DCHS2: variants seen among roughly 807,000 people sequenced by gnomAD.
DCHS2 encodes the protein dachsous cadherin-related 2.
Under a neutral mutation model 182.4 loss-of-function variants are expected in DCHS2, and 142 were observed. That is an observed-to-expected ratio of 0.78 (90% CI 0.68 to 0.89). The LOEUF is 0.89. Ranked by LOEUF, DCHS2 falls within the 40% of genes least tolerant of loss-of-function variation. The pLI is 0.00. For synonymous variants in DCHS2, 1,740 were observed against 1,663.3 expected, an observed-to-expected ratio of 1.05 and a Z score of -1.12; for missense variants, 4,319 against 4,198.6, an observed-to-expected ratio of 1.03 and a Z score of -0.79.
rs1013417598 is a variant in DCHS2 at position 154,266,395 on chromosome 4, G to A, written c.6577+3505C>T. ...TGGAAATCATTGTAATAAAAGCTTC[G>A]CCTGTAATCCCAGAACTTTGGGAGG... On this transcript the variant is annotated intron_variant, in intron 14 of 19. Transcript: ENST00000357232. Among the ~76,000 whole-genome samples, 11 of 152,114 alleles carry A rather than the reference G, an allele frequency of 7.2e-5. No homozygotes were observed. The East Asian group carries it at 9.7e-4, about 13-fold the overall frequency.
intron 1 of DCHS2, among the ~76,000 whole-genome samples, chr4:154,398,358 C>T (rs544485143): frequency 4.6e-5 from 7 of 152,176 alleles, no homozygotes; most frequent in Middle Eastern, 3.2e-3. Flanking sequence ...AGTGAAATAA[C>T]GTGCAGAAAG....
intron 13 of DCHS2, among the ~76,000 whole-genome samples, chr4:154,277,820 C>T (rs1733922953): frequency 6.6e-6 from 1 of 152,066 alleles, no homozygotes; most frequent in African/African-American, 2.4e-5. Flanking sequence ...GCAGGTGGAT[C>T]ACCTGAGGTC....
At chr4:154,307,214 A>T (rs1328336008) in intron 10 of DCHS2, among the ~76,000 whole-genome samples, 2 of 152,204 alleles carry the variant, frequency 1.3e-5, no homozygotes, top group African/African-American at 4.8e-5. Context: ...CAAACATAGC[A>T]TCATCAAACT....
In DCHS2 at chr4:154,243,253, C is replaced by T. The variant is rs779780596; in HGVS notation, c.6942-481G>A. On this transcript the variant is annotated intron_variant, in intron 16 of 19. Coordinates refer to ENST00000357232, the MANE Select transcript of DCHS2 (RefSeq NM_001358235.2). ...TTTTGGATCCAAATAGCAAATCAAT[C>T]GAAATGCTAGAAATAAGACAGGACA... Among the ~76,000 whole-genome samples the T allele has an allele frequency of 1.1e-4, 16 of 152,158 alleles. No individual in the cohort carries two copies. The East Asian group carries it at 2.1e-3, about 20-fold the overall frequency.
chr4:154,309,267 A>T (rs1735580434), intron 10 of DCHS2, among the ~76,000 whole-genome samples: 1 of 152,098 alleles, frequency 6.6e-6, no homozygotes. Flanking sequence ...GGGTCTGGGG[A>T]TCTGCAAACT....
At chr4:154,311,367 G>A (rs1735664269) in intron 10 of DCHS2, among the ~76,000 whole-genome samples, 1 of 151,974 alleles carries the variant, frequency 6.6e-6, no homozygotes, top group Admixed American at 6.6e-5. Flanking sequence ...GAGTAGCTGA[G>A]ACTACAGGAG....
chr4:154,424,793 T>C (rs973306449), intron 1 of DCHS2, among the ~76,000 whole-genome samples: 2 of 152,162 alleles, frequency 1.3e-5, no homozygotes, highest in African/African-American at 2.4e-5. Context: ...ATTCAAGCCC[T>C]CCTATTTAAG....
Position 154,370,496 on chromosome 4 carries a change from A to C in DCHS2, c.2245-4055T>G, listed in dbSNP as rs534408860. 2.6e-5 allele frequency among the ~76,000 whole-genome samples: 4 copies of C among 152,296 alleles called. No homozygotes were observed. In the East Asian group the frequency reaches 7.7e-4, roughly 29 times the overall value. ...GATAGAGACTATTATTATGCCCTGTATGCTTATGAGGGTCATCCAAAAGAG... is the reference window on the plus strand; with the variant it reads ...GATAGAGACTATTATTATGCCCTGTCTGCTTATGAGGGTCATCCAAAAGAG... On this transcript the variant is annotated intron_variant, in intron 2 of 19. Coordinates refer to ENST00000357232, the MANE Select transcript of DCHS2 (RefSeq NM_001358235.2).
intron 1 of DCHS2, among the ~76,000 whole-genome samples, chr4:154,419,216 G>C (rs1184387248): frequency 6.6e-6 from 1 of 152,148 alleles, no homozygotes; most frequent in Non-Finnish European, 1.5e-5. Context: ...AGTATATAAA[G>C]TCAGCACAAA....
At chr4:154,291,456 A>C (rs1489570691) in intron 13 of DCHS2, among the ~76,000 whole-genome samples, 1 of 152,190 alleles carries the variant, frequency 6.6e-6, no homozygotes, top group Non-Finnish European at 1.5e-5. Flanking sequence ...TATATACTTA[A>C]AAGAGAGAAA....
chr4:154,355,512 A>T (rs971474152), intron 3 of DCHS2: 6 of 152,274 alleles, frequency 3.9e-5, no homozygotes, highest in African/African-American at 1.4e-4. Flanking sequence ...CCAACCAGCC[A>T]CCCTCAGGGC....
intron 13 of DCHS2, among the ~76,000 whole-genome samples, chr4:154,295,419 T>G (rs1327978330): frequency 6.6e-6 from 1 of 152,212 alleles, no homozygotes; most frequent in African/African-American, 2.4e-5. Flanking sequence ...CCCTCTTTCA[T>G]TATCATAGGA....
chr4:154,455,981 T>C lies in DCHS2; in HGVS notation c.2052+33323A>G, dbSNP rs139265380. ...GGCACATGCCTGTAATCCCAGCTACTCAGGAGGCTGAGGTAAGAGAATTGC... is the reference window on the plus strand; with the variant it reads ...GGCACATGCCTGTAATCCCAGCTACCCAGGAGGCTGAGGTAAGAGAATTGC... On this transcript the variant is annotated intron_variant, in intron 1 of 19. Transcript: ENST00000357232. Among the ~76,000 whole-genome samples the C allele has an allele frequency of 6.8e-3, 1,029 of 151,998 alleles. 21 individuals carry two copies. The South Asian group carries it at 0.069, about 10-fold the overall frequency.
intron 3 of DCHS2, chr4:154,343,600 T>C: frequency 6.6e-7 from 1 of 1,520,910 alleles, no homozygotes; most frequent in African/African-American, 1.4e-5. Flanking sequence ...CAACCTCTGC[T>C]AGCTTCAAAT....
At chr4:154,484,665 T>C (rs1015297538) in intron 1 of DCHS2, among the ~76,000 whole-genome samples, 11 of 152,386 alleles carry the variant, frequency 7.2e-5, no homozygotes, top group Non-Finnish European at 1.3e-4. Context: ...TTTGTAAAAA[T>C]GATTTCGCAT....
At position 154,234,013 on chromosome 4, in the gene DCHS2, G is replaced by GGA. The variant is rs1388060190; in HGVS notation, c.*521_*522dup. On this transcript the variant is annotated 3_prime_UTR_variant, in exon 20 of 20. Transcript: ENST00000357232. ...ACAGGTGTGGTATATGGGGAAAAATGGAGAAATACTCCTCTAAATATATCA... is the reference window on the plus strand; with the variant it reads ...ACAGGTGTGGTATATGGGGAAAAATGGAGAGAAATACTCCTCTAAATATATCA... 1 of 152,104 alleles carries GGA rather than the reference G, an allele frequency of 6.6e-6. No homozygotes were observed. Among genetic ancestry groups the GGA allele is most frequent in the Non-Finnish European group, 1.5e-5 (1 of 68,028 alleles). 9.4% of individuals were successfully genotyped at this position (152,104 alleles called of 1,614,324 possible).
chr4:154,239,862 A>T (rs1269484796), intron 18 of DCHS2, among the ~76,000 whole-genome samples: 1 of 152,188 alleles, frequency 6.6e-6, no homozygotes, highest in African/African-American at 2.4e-5. Flanking sequence ...CTATGAAAAA[A>T]AGTTCTTCTA....
chr4:154,369,570 A>G (rs1181557214), intron 2 of DCHS2, among the ~76,000 whole-genome samples: 3 of 152,224 alleles, frequency 2.0e-5, no homozygotes, highest in African/African-American at 7.2e-5. Flanking sequence ...AGAGCCACCC[A>G]GCAAAGCCAC....
chr4:154,328,094 T>C lies in DCHS2; in HGVS notation c.4017A>G (p.Ser1339=), dbSNP rs141487055. The C allele has an allele frequency of 6.3e-5, 100 of 1,593,378 alleles. No individual in the cohort carries two copies. The highest frequency in any genetic ancestry group is 8.2e-5 in the Non-Finnish European group (96 of 1,169,462). Reference sequence around the variant, plus strand: ...TCCCGTATGAACAGTAAGTTTTACCTGAAGATACTGAGTATGTAACTTCTG... The same window carrying C: ...TCCCGTATGAACAGTAAGTTTTACCCGAAGATACTGAGTATGTAACTTCTG... ...NNAEVTYSVS[S]EDSSDHFKID... is the part of the protein sequence containing the mutation. The change falls in exon 7 of 20, where the codon TCA becomes TCG. Residue 1339 remains serine (S), a splice_region_variant and synonymous_variant. Transcript: ENST00000357232.
Sources: gnomAD v4.1 joint callset for allele counts (sites outside exome capture counted in the v4.1 genomes callset) on GRCh38, gnomAD v4.1.1 for gene constraint, MANE v1.5 for transcripts, NCBI Gene and HGNC (gene_info 2026-07-23, HGNC 2026-07-21) for gene names.